The following PAM variants were observed in gnomAD, a reference collection of about 807,000 sequenced individuals.
The protein encoded by PAM is peptidyl-glycine alpha-amidating monooxygenase.
A neutral mutation model predicts 122.1 loss-of-function variants in PAM; 72 were observed. That is an observed-to-expected ratio of 0.59 (90% CI 0.49 to 0.72). PAM has a LOEUF of 0.72. PAM is among the 30% of genes least tolerant of loss of function. The probability of loss-of-function intolerance (pLI) is 0.00; values close to 1 mark genes in which losing one functional copy is unlikely to be tolerated. For synonymous variants in PAM, 389 were observed against 404.4 expected (o/e 0.96, Z 0.46); for missense variants, 1,106 against 1,183.7 (o/e 0.93, Z 0.96).
intron 1 of PAM, among the ~76,000 whole-genome samples, chr5:102,811,414 A>AGACT (rs752287743): frequency 4.6e-5 from 7 of 152,192 alleles, no homozygotes; most frequent in Non-Finnish European, 7.3e-5. Flanking sequence ...TTGCAAGTAC[A>AGACT]GACTGAATCT....
chr5:102,841,779 T>A (rs1778707938), intron 1 of PAM, among the ~76,000 whole-genome samples: 1 of 152,126 alleles, frequency 6.6e-6, no homozygotes, highest in South Asian at 2.1e-4. Flanking sequence ...CTGGAGATAA[T>A]AGTAAGCAAC....
rs766705860 is a variant in PAM, at chr5:103,007,451, C to A, written c.2015-6C>A. On this transcript the variant is annotated splice_region_variant and splice_polypyrimidine_tract_variant and intron_variant, in intron 19 of 25. Coordinates refer to ENST00000438793, the MANE Select transcript of PAM (RefSeq NM_001177306.2). ...TGTGTATCTAAGGCTTTTTTTTGTT[C>A]TGCAGAGTCTTCAGGGAGCAGTCCT... 2 of 1,608,450 alleles carry A rather than the reference C, an allele frequency of 1.2e-6. No homozygotes were observed. Among genetic ancestry groups the A allele is most frequent in the Admixed American group, 3.4e-5 (2 of 58,696 alleles).
chr5:102,789,648 G>T (rs570353867), intron 1 of PAM, among the ~76,000 whole-genome samples: 60 of 152,224 alleles, frequency 3.9e-4, no homozygotes, highest in African/African-American at 1.3e-3. Flanking sequence ...AGAGAATGTG[G>T]AGTTACTATT....
At chr5:102,929,428 A>T (rs1301955689) in intron 7 of PAM, among the ~76,000 whole-genome samples, 1 of 152,240 alleles carries the variant, frequency 6.6e-6, no homozygotes, top group Admixed American at 6.5e-5. Context: ...AATTATACAC[A>T]TACATATATA....
At chr5:103,016,638 T>C (rs769992697) in intron 21 of PAM, among the ~76,000 whole-genome samples, 1 of 152,058 alleles carries the variant, frequency 6.6e-6, no homozygotes, top group Non-Finnish European at 1.5e-5. Flanking sequence ...TGATTTGAAA[T>C]AGAGAAAGAT....
intron 7 of PAM, among the ~76,000 whole-genome samples, chr5:102,945,517 C>G (rs1231008686): frequency 2.0e-5 from 3 of 151,064 alleles, no homozygotes; most frequent in Non-Finnish European, 4.4e-5. Flanking sequence ...TCCTTTCTGC[C>G]TTTCCTTCAA....
rs75005981 is a variant in PAM, at chr5:102,914,922, A to G, written c.356+901A>G. Among the ~76,000 whole-genome samples, 1,218 of 152,180 alleles carry G rather than the reference A, an allele frequency of 8.0e-3. 22 individuals carry two copies. Among genetic ancestry groups the G allele is most frequent in the African/African-American group, 0.027 (1,134 of 41,530 alleles). ...TGCCATAAACAATCAGTAAACCTCT[A>G]TTAAATGCCTGTCATATGCCAGAGC... On this transcript the variant is annotated intron_variant, in intron 5 of 25. Transcript: ENST00000438793.
At chr5:102,934,059 A>C (rs1752463006) in intron 7 of PAM, among the ~76,000 whole-genome samples, 1 of 152,152 alleles carries the variant, frequency 6.6e-6, no homozygotes, top group Non-Finnish European at 1.5e-5. Context: ...TGCGAAGTGC[A>C]CAATACTATG....
intron 1 of PAM, among the ~76,000 whole-genome samples, chr5:102,861,759 G>T (rs1228902873): frequency 6.6e-6 from 1 of 152,086 alleles, no homozygotes; most frequent in Non-Finnish European, 1.5e-5. Context: ...TGGAGCATCA[G>T]GTCAGTAACT....
At chr5:103,020,269 G>A (rs1194113604) in intron 23 of PAM, among the ~76,000 whole-genome samples, 1 of 152,062 alleles carries the variant, frequency 6.6e-6, no homozygotes, top group Non-Finnish European at 1.5e-5. Context: ...TGCTATAATG[G>A]TATGGAAAGA....
rs950151009 is a variant in PAM, at chr5:102,926,066, A to G, written c.443-519A>G. Reference sequence around the variant, plus strand: ...AAATAAATATGAATATATACAAAACAAAATGGGAGAATGGGTTTATGTATG... The same window carrying G: ...AAATAAATATGAATATATACAAAACGAAATGGGAGAATGGGTTTATGTATG... On this transcript the variant is annotated intron_variant, in intron 6 of 25. Coordinates refer to ENST00000438793, the MANE Select transcript of PAM (RefSeq NM_001177306.2). Among the ~76,000 whole-genome samples the G allele has an allele frequency of 6.6e-5, 10 of 152,284 alleles. No homozygotes were observed. In the East Asian group the frequency reaches 1.9e-3, roughly 29 times the overall value.
intron 1 of PAM, among the ~76,000 whole-genome samples, chr5:102,763,893 A>T (rs1753119715): frequency 1.3e-5 from 2 of 152,058 alleles, no homozygotes; most frequent in Non-Finnish European, 2.9e-5. Flanking sequence ...TGGGGACTTG[A>T]TGTGATTTGT....
At chr5:102,876,812 C>G (rs887239997) in intron 3 of PAM, among the ~76,000 whole-genome samples, 10 of 152,218 alleles carry the variant, frequency 6.6e-5, no homozygotes, top group East Asian at 1.9e-4. Context: ...GGCAAAGGCT[C>G]TATTCTCAGG....
chr5:102,823,755 G>A (rs1443273312), intron 1 of PAM, among the ~76,000 whole-genome samples: 1 of 152,144 alleles, frequency 6.6e-6, no homozygotes, highest in Non-Finnish European at 1.5e-5. Flanking sequence ...CTGAGTTTAT[G>A]TACTGTAAAC....
chr5:102,932,190 A>G (rs984330897), intron 7 of PAM, among the ~76,000 whole-genome samples: 2 of 152,166 alleles, frequency 1.3e-5, no homozygotes, highest in African/African-American at 4.8e-5. Context: ...GATAGAAATC[A>G]TTTTAGAATA....
At position 102,779,888 on chromosome 5, in the gene PAM, T is replaced by TAC. The variant is rs1344555721; in HGVS notation, c.-374+24541_-374+24542insCA. 1.9e-4 allele frequency among the ~76,000 whole-genome samples: 12 copies of TAC among 64,862 alleles called. No individual in the cohort carries two copies. In the East Asian group the frequency reaches 2.3e-3, roughly 12 times the overall value. The allele number at this position is 64,862 out of a possible 152,430, so 42.6% of individuals were successfully genotyped here. On this transcript the variant is annotated intron_variant, in intron 1 of 25. Coordinates refer to ENST00000438793, the MANE Select transcript of PAM (RefSeq NM_001177306.2). ...AATACTTAATAAACTCCCATATACATATATATATATATATATATATATATA... is the reference window on the plus strand; with the variant it reads ...AATACTTAATAAACTCCCATATACATACATATATATATATATATATATATATA...
chr5:102,927,670 C>T (rs990487726), intron 7 of PAM, among the ~76,000 whole-genome samples: 2 of 151,520 alleles, frequency 1.3e-5, no homozygotes, highest in Non-Finnish European at 2.9e-5. Flanking sequence ...ATGCAGTCTC[C>T]CTCTGGAAAA....
chr5:102,917,269 A>C (rs1745759331), intron 5 of PAM, among the ~76,000 whole-genome samples: 1 of 152,134 alleles, frequency 6.6e-6, no homozygotes, highest in African/African-American at 2.4e-5. Context: ...GAATTATAGT[A>C]CTCACAACAA....
At chr5:102,755,093 G>A (rs1320585327), upstream of PAM, 2 of 152,486 alleles carry the variant, frequency 1.3e-5, no homozygotes, top group African/African-American at 2.4e-5. Flanking sequence ...CCGCCGGCGT[G>A]GAGGAGGCGA....
Sources: allele counts gnomAD v4.1 joint callset (sites outside exome capture counted in the v4.1 genomes callset), GRCh38; gene constraint gnomAD v4.1.1; transcripts MANE v1.5; gene names NCBI Gene and HGNC (gene_info 2026-07-23, HGNC 2026-07-21).